MPC1: variants seen among roughly 807,000 people sequenced by gnomAD.
MPC1 encodes the protein HSPC040 protein.
Under a neutral mutation model 13.9 loss-of-function variants are expected in MPC1, and 6 were observed. The ratio of observed to expected loss-of-function variants is 0.43; its 90% confidence interval spans 0.24 to 0.85. The LOEUF (loss-of-function observed/expected upper bound fraction) is 0.85. Ranked by LOEUF, MPC1 falls within the 40% of genes least tolerant of loss-of-function variation. The pLI is 0.24. For synonymous variants in MPC1, 47 were observed against 50.5 expected, an observed-to-expected ratio of 0.93 and a Z score of 0.29; for missense variants, 115 against 143.3, an observed-to-expected ratio of 0.80 and a Z score of 1.01.
chr6:166,376,465 T>C (rs1461503681), intron 1 of MPC1, among the ~76,000 whole-genome samples: 1 of 152,224 alleles, frequency 6.6e-6, no homozygotes, highest in African/African-American at 2.4e-5. Context: ...AAATTGTCTC[T>C]TCTCTACCTT....
intron 1 of MPC1, 45 bp downstream of exon 1, chr6:166,382,761 G>C: frequency 6.5e-7 from 1 of 1,537,140 alleles, no homozygotes; most frequent in Non-Finnish European, 8.8e-7. Context: ...GCAGCCTCCC[G>C]GGAGCCCCTC....
At chr6:166,370,023 A>C (rs1288504733) in intron 2 of MPC1, 195 bp downstream of exon 2, 2 of 708,790 alleles carry the variant, frequency 2.8e-6, no homozygotes, top group Non-Finnish European at 5.2e-6. Flanking sequence ...GAGCAGCCCC[A>C]GGAGCATGGC....
chr6:166,371,134 T>C (rs1385487525), intron 1 of MPC1, among the ~76,000 whole-genome samples: 1 of 152,170 alleles, frequency 6.6e-6, no homozygotes, highest in African/African-American at 2.4e-5. Flanking sequence ...TTAAAAGTGG[T>C]AAGTTGGAGA....
At chr6:166,378,777 G>T (rs1562461586) in intron 1 of MPC1, among the ~76,000 whole-genome samples, 1 of 152,200 alleles carries the variant, frequency 6.6e-6, no homozygotes, top group East Asian at 1.9e-4. Context: ...GTACCAAAAA[G>T]AGAGTACCAG....
chr6:166,378,785 C>T (rs1422199890), intron 1 of MPC1, among the ~76,000 whole-genome samples: 1 of 152,100 alleles, frequency 6.6e-6, no homozygotes, highest in African/African-American at 2.4e-5. Context: ...AAGAGAGTAC[C>T]AGAAATCCTG....
Position 166,365,228 on chromosome 6 carries a change from G to A in MPC1, c.*201C>T, listed in dbSNP as rs1779105948. On this transcript the variant is annotated 3_prime_UTR_variant, in exon 5 of 5. Transcript: ENST00000360961. The surrounding 1 kb of genome is among the most constrained non-coding windows in gnomAD (Gnocchi z 4.2). ...TTGCATATTTTGAGCTACTCTTTAT[G>A]GAAAGAAGTAAAATATTTAATACTT... 1 of 419,276 alleles carries A rather than the reference G, an allele frequency of 2.4e-6. No homozygotes were observed. Among genetic ancestry groups the A allele is most frequent in the Non-Finnish European group, 4.2e-6 (1 of 240,866 alleles). 26.0% of individuals were successfully genotyped at this position (419,276 alleles called of 1,614,324 possible).
chr6:166,379,462 C>T (rs915145219), intron 1 of MPC1, among the ~76,000 whole-genome samples: 11 of 151,744 alleles, frequency 7.2e-5, no homozygotes, highest in South Asian at 2.1e-4. Flanking sequence ...CCATTGCACT[C>T]CAGCCTGGGT....
intron 1 of MPC1, among the ~76,000 whole-genome samples, chr6:166,370,633 T>C (rs886783180): frequency 2.6e-5 from 4 of 152,202 alleles, no homozygotes; most frequent in African/African-American, 9.7e-5. Flanking sequence ...GCAGGAGGAT[T>C]GCTTGAGGCC....
intron 1 of MPC1, among the ~76,000 whole-genome samples, chr6:166,374,056 G>T (rs1447649621): frequency 6.6e-6 from 1 of 151,786 alleles, no homozygotes; most frequent in Non-Finnish European, 1.5e-5. Flanking sequence ...GCATGATCTT[G>T]GCTGACTGCA....
rs138551064 is a variant in MPC1 at position 166,370,219 on chromosome 6, G to A, written c.74C>T (p.Thr25Met). The change falls in exon 2 of 5, where the codon ACG becomes ATG. Residue 25 changes from threonine to methionine, a missense_variant and splice_region_variant. By Grantham distance (81) the Thr-to-Met change is moderately conservative. This residue lies in a region of MPC1 where 41 missense variants were observed against 34.2 expected (regional missense o/e 1.20). Coordinates refer to ENST00000360961, the MANE Select transcript of MPC1 (RefSeq NM_016098.4). ...AATGGATGGAAATAATTTTCTTACC[G>A]TACTATTTTGTGAAGAGTCACCGAA... The part of the protein sequence containing the change: ...SKDFRDYLMS[T>M]HFWGPVANWG... 6.9e-5 allele frequency: 54 copies of A among 779,232 alleles called. No homozygotes were observed. In the East Asian group the frequency reaches 1.0e-3, roughly 15 times the overall value. The allele number at this position is 779,232 out of a possible 1,614,324, so 48.3% of individuals were successfully genotyped here.
chr6:166,366,233 G>C, intron 3 of MPC1, 127 bp from the exon 4 acceptor site: 3 of 1,084,496 alleles, frequency 2.8e-6, no homozygotes, highest in Non-Finnish European at 3.7e-6. Flanking sequence ...GCCTTTGACA[G>C]ATAAAAGTTG....
At chr6:166,374,684 G>C (rs1420771836) in intron 1 of MPC1, among the ~76,000 whole-genome samples, 3 of 152,186 alleles carry the variant, frequency 2.0e-5, no homozygotes, top group African/African-American at 7.2e-5. Context: ...TGAAAAGACT[G>C]TCTTTACTAC....
At chr6:166,367,775 TA>T (rs1225442656) in intron 2 of MPC1, among the ~76,000 whole-genome samples, 1 of 152,214 alleles carries the variant, frequency 6.6e-6, no homozygotes, top group African/African-American at 2.4e-5. Context: ...TTAGTTATCC[TA>T]ACACTAAAGA....
intron 1 of MPC1, among the ~76,000 whole-genome samples, chr6:166,381,328 G>A (rs1377564181): frequency 6.6e-6 from 1 of 152,190 alleles, no homozygotes; most frequent in Non-Finnish European, 1.5e-5. Context: ...CCATATGGCA[G>A]ACTGAATTAT....
chr6:166,375,450 CTTTT>C (rs34879281), intron 1 of MPC1, among the ~76,000 whole-genome samples: 7 of 127,228 alleles, frequency 5.5e-5, no homozygotes, highest in Admixed American at 1.6e-4. Flanking sequence ...TTCTAATTTG[CTTTT>C]TTTTTTTTTT....
chr6:166,368,326 G>T (rs1336905542), intron 2 of MPC1, among the ~76,000 whole-genome samples: 1 of 152,190 alleles, frequency 6.6e-6, no homozygotes, highest in Non-Finnish European at 1.5e-5. Context: ...CGGAGGCTGA[G>T]GCGGGTGGAT....
intron 2 of MPC1, 121 bp from the exon 3 acceptor site, chr6:166,367,012 C>T: frequency 6.5e-7 from 1 of 1,550,222 alleles, no homozygotes; most frequent in Non-Finnish European, 8.7e-7. Flanking sequence ...TCTTCGTTTC[C>T]ATCTTGCAGG....
At chr6:166,380,808 G>A (rs552534099) in intron 1 of MPC1, among the ~76,000 whole-genome samples, 6 of 151,622 alleles carry the variant, frequency 4.0e-5, no homozygotes, top group Middle Eastern at 3.4e-3. Flanking sequence ...GCGTGGTGGT[G>A]CATGCTTGTA....
At chr6:166,375,846 T>C (rs1262444469) in intron 1 of MPC1, among the ~76,000 whole-genome samples, 2 of 152,230 alleles carry the variant, frequency 1.3e-5, no homozygotes, top group East Asian at 3.8e-4. Flanking sequence ...TTGAGAAGAA[T>C]GTGTATTCTG....
Sources: allele counts gnomAD v4.1 joint callset (sites outside exome capture counted in the v4.1 genomes callset), GRCh38; gene constraint gnomAD v4.1.1; regional missense constraint gnomAD v4.1.1; non-coding constraint Gnocchi (gnomAD v3.1); transcripts MANE v1.5; gene names NCBI Gene and HGNC (gene_info 2026-07-23, HGNC 2026-07-21).